The following MAST2 variants were observed in gnomAD, a reference collection of about 807,000 sequenced individuals.
The protein encoded by MAST2 is microtubule associated serine/threonine kinase 2, also known as microtubule-associated serine/threonine-protein kinase 2.
In MAST2, 70 loss-of-function variants were observed where a neutral mutation model predicts 147.4. The ratio of observed to expected loss-of-function variants is 0.47; its 90% CI spans 0.39 to 0.58. The LOEUF is 0.58. Among genes scored for constraint, MAST2 ranks in the 20% least tolerant of loss-of-function variants. The pLI is 0.00. For synonymous variants in MAST2, 869 were observed against 896.8 expected, an observed-to-expected ratio of 0.97 and a Z score of 0.55; for missense variants, 2,080 against 2,302.3, an observed-to-expected ratio of 0.90 and a Z score of 1.98.
At chr1:45,915,628 T>C (rs951760446) in intron 4 of MAST2, among the ~76,000 whole-genome samples, 10 of 150,058 alleles carry the variant, frequency 6.7e-5, no homozygotes, top group African/African-American at 2.5e-4. Context: ...GAGAATGGCG[T>C]GAACCTGGGA....
rs188387921 is a variant in MAST2, at chr1:45,862,142, C to G, written c.469-20222C>G. ...ATTTGCATAAATTTTGAGAACCAAA[C>G]AGGCTTTAAGGAAACCAGGTTGTGG... On this transcript the variant is annotated intron_variant, in intron 3 of 28. Coordinates refer to ENST00000361297, the MANE Select transcript of MAST2 (RefSeq NM_015112.3). Among the ~76,000 whole-genome samples the G allele has an allele frequency of 7.5e-4, 114 of 152,292 alleles. 3 individuals carry two copies. In the South Asian group the frequency reaches 0.021, roughly 28 times the overall value.
chr1:46,022,459 G>T (rs1025158433), intron 12 of MAST2, among the ~76,000 whole-genome samples: 2 of 152,190 alleles, frequency 1.3e-5, no homozygotes, highest in African/African-American at 4.8e-5. Flanking sequence ...GTCCAACACA[G>T]GGCTTCAGAG....
rs1228229619 is a variant in MAST2 at position 46,030,680 on chromosome 1, G to A, written c.2627G>A (p.Ser876Asn). Residue 876 changes from serine (S) to asparagine (N), a missense_variant, in exon 22 of 29, where the codon AGT becomes AAT. Ser to Asn is a conservative substitution (Grantham distance 46). Transcript: ENST00000361297. The stretch of plus-strand genomic sequence containing the variant: ...CCACCCCCGACCAAGCGCAGCCTGA[G>A]TGAGGAGAAGGAGGACCATTCAGAT... The part of the protein sequence containing the change: ...RTPPPTKRSL[S>N]EEKEDHSDGL... 1.2e-5 allele frequency: 20 copies of A among 1,610,294 alleles called. No individual in the cohort carries two copies. Among genetic ancestry groups the A allele is most frequent in the Non-Finnish European group, 1.4e-5 (17 of 1,178,948 alleles).
intron 4 of MAST2, among the ~76,000 whole-genome samples, chr1:45,882,641 A>C (rs991951107): frequency 6.6e-6 from 1 of 152,212 alleles, no homozygotes; most frequent in African/African-American, 2.4e-5. Context: ...ATTCTGGGAA[A>C]GTTACAACTT....
chr1:45,864,156 G>T (rs1311548915), intron 3 of MAST2, among the ~76,000 whole-genome samples: 2 of 152,168 alleles, frequency 1.3e-5, no homozygotes, highest in Non-Finnish European at 2.9e-5. Context: ...CTTTAAAAAT[G>T]GCAGCCAGTA....
chr1:45,856,520 G>T (rs1315519030), intron 3 of MAST2, among the ~76,000 whole-genome samples: 1 of 152,094 alleles, frequency 6.6e-6, no homozygotes, highest in Non-Finnish European at 1.5e-5. Context: ...TTACTTGCAT[G>T]CCTTGTAAGT....
At position 46,030,612 on chromosome 1, in the gene MAST2, C is replaced by T. The variant is rs1646614466; in HGVS notation, c.2559C>T (p.Tyr853=). ...CGCATCCCCTGTGCCCACAGGTGTACAGCAGCATGGAGCGGCTCTCACTGC... is the reference window on the plus strand; with the variant it reads ...CGCATCCCCTGTGCCCACAGGTGTATAGCAGCATGGAGCGGCTCTCACTGC... ...SSCSPRFNKV[Y]SSMERLSLLE... is the part of the protein sequence containing the mutation. The change falls in exon 22 of 29, where the codon TAC becomes TAT. Residue 853 remains tyrosine (Y), a synonymous_variant. Transcript: ENST00000361297. 1.2e-6 allele frequency: 2 copies of T among 1,608,930 alleles called. No individual in the cohort carries two copies. Among genetic ancestry groups the T allele is most frequent in the African/African-American group, 2.7e-5 (2 of 74,752 alleles).
chr1:45,882,217 T>G (rs115467181), intron 3 of MAST2, 147 bp from the exon 4 acceptor site: 26,341 of 543,658 alleles, frequency 0.048, 1,045 homozygotes, highest in Non-Finnish European at 0.062. Context: ...TAAATAAAAT[T>G]TAAGAGGCAA....
chr1:45,915,834 G>T, intron 4 of MAST2, among the ~76,000 whole-genome samples: 1 of 151,834 alleles, frequency 6.6e-6, no homozygotes, highest in East Asian at 1.9e-4. Context: ...TCAAAATTTT[G>T]TACAAGCATA....
intron 2 of MAST2, among the ~76,000 whole-genome samples, chr1:45,827,530 G>A (rs1422864071): frequency 2.6e-5 from 4 of 152,108 alleles, no homozygotes; most frequent in African/African-American, 9.7e-5. Flanking sequence ...CTTCCCTTTA[G>A]AATTAATAGG....
At chr1:45,998,285 T>C (rs113157521) in intron 6 of MAST2, among the ~76,000 whole-genome samples, 2 of 152,194 alleles carry the variant, frequency 1.3e-5, no homozygotes, top group African/African-American at 2.4e-5. Flanking sequence ...GTTTGGGGGA[T>C]AAAGACACTA....
intron 26 of MAST2, among the ~76,000 whole-genome samples, chr1:46,033,033 C>T (rs1233804391): frequency 6.6e-6 from 1 of 150,834 alleles, no homozygotes; most frequent in Non-Finnish European, 1.5e-5. Context: ...AATCCCAGCA[C>T]TTTGGGAGGC....
chr1:45,884,005 A>G (rs1646970346), intron 4 of MAST2, among the ~76,000 whole-genome samples: 1 of 140,478 alleles, frequency 7.1e-6, no homozygotes, highest in Non-Finnish European at 1.5e-5. Context: ...GGCCTGAGAC[A>G]GGTAGCTTCT....
At chr1:45,885,360 G>A (rs959912008) in intron 4 of MAST2, among the ~76,000 whole-genome samples, 15 of 152,136 alleles carry the variant, frequency 9.9e-5, no homozygotes, top group Non-Finnish European at 1.9e-4. Context: ...TGGTGTTCTT[G>A]TCCTTTGAGA....
intron 1 of MAST2, among the ~76,000 whole-genome samples, chr1:45,815,130 G>A (rs988326459): frequency 1.0e-4 from 15 of 150,510 alleles, no homozygotes; most frequent in Admixed American, 9.3e-4. Context: ...AAGCTACATC[G>A]TTTCTTTGCC....
intron 10 of MAST2, among the ~76,000 whole-genome samples, chr1:46,012,359 A>T (rs1242661820): frequency 6.6e-6 from 1 of 152,248 alleles, no homozygotes; most frequent in Admixed American, 6.5e-5. Context: ...TGTTTGATAC[A>T]ATAGGAAGAG....
Position 46,034,178 on chromosome 1 carries a change from T to C in MAST2, c.3780T>C (p.Ser1260=). Residue 1260 remains serine, a synonymous_variant, in exon 28 of 29, where the codon AGT becomes AGC. Transcript: ENST00000361297. ...ACCGCTCCTTGTCATCAGGGGAGAG[T>C]GGGCCAGGCTCTCCCACACACAGCC... is the stretch of plus-strand genomic sequence containing the variant. ...SLNRSLSSGE[S]GPGSPTHSHS... 6.2e-7 allele frequency: 1 copy of C among 1,613,524 alleles called. No individual in the cohort carries two copies.
rs749208875 is a variant in MAST2 at position 46,023,328 on chromosome 1, G to C, written c.1571+10G>C. 43 of 1,613,384 alleles carry C rather than the reference G, an allele frequency of 2.7e-5. No homozygotes were observed. The highest frequency in any genetic ancestry group is 3.5e-5 in the Non-Finnish European group (41 of 1,179,580). The stretch of plus-strand genomic sequence containing the variant: ...GCAATGGCGCCTATGGGTAAAGGCA[G>C]GGGTCAGGGTGTGGCCAGGACTGAA... On this transcript the variant is annotated intron_variant, in intron 14 of 28. Coordinates refer to ENST00000361297, the MANE Select transcript of MAST2 (RefSeq NM_015112.3). The surrounding 1 kb of genome is among the most constrained non-coding windows in gnomAD (Gnocchi z 4.9).
At chr1:45,827,999 T>A (rs1644844506) in intron 2 of MAST2, among the ~76,000 whole-genome samples, 1 of 146,702 alleles carries the variant, frequency 6.8e-6, no homozygotes, top group South Asian at 2.1e-4. Flanking sequence ...GCCTGGCTAA[T>A]TTTTTTTTTT....
Sources: allele counts gnomAD v4.1 joint callset (sites outside exome capture counted in the v4.1 genomes callset), GRCh38; gene constraint gnomAD v4.1.1; non-coding constraint Gnocchi (gnomAD v3.1); transcripts MANE v1.5; gene names NCBI Gene and HGNC (gene_info 2026-07-23, HGNC 2026-07-21).